The following SEPTIN9 variants were observed in gnomAD, a reference collection of about 807,000 sequenced individuals.
SEPTIN9 encodes septin-9.
Under a neutral mutation model 56.6 loss-of-function variants are expected in SEPTIN9, and 13 were observed. The observed-to-expected ratio is 0.23, with a 90% CI of 0.15 to 0.37. SEPTIN9 has a LOEUF of 0.37. SEPTIN9 is among the 10% of genes least tolerant of loss of function. The pLI is 1.00. For synonymous variants in SEPTIN9, 332 were observed against 334.1 expected, an observed-to-expected ratio of 0.99 and a Z score of 0.07; for missense variants, 650 against 823.1, an observed-to-expected ratio of 0.79 and a Z score of 2.57.
intron 1 of SEPTIN9, among the ~76,000 whole-genome samples, chr17:77,288,939 G>T (rs1055472408): frequency 2.0e-5 from 3 of 152,250 alleles, no homozygotes; most frequent in African/African-American, 7.2e-5. Flanking sequence ...GCCAGTGTTG[G>T]CATCATGTTG....
At chr17:77,291,014 C>T (rs1197556835) in intron 1 of SEPTIN9, among the ~76,000 whole-genome samples, 4 of 145,912 alleles carry the variant, frequency 2.7e-5, no homozygotes, top group Non-Finnish European at 3.0e-5. Context: ...TACAGGTGTG[C>T]GCTGCATGCC....
chr17:77,348,294 G>GTT (rs367934946), intron 2 of SEPTIN9, among the ~76,000 whole-genome samples: 3,336 of 89,638 alleles, frequency 0.037, 210 homozygotes, highest in Admixed American at 0.081. Context: ...TTTAATTTAT[G>GTT]TTTTTTTTTT....
chr17:77,390,354 A>AC, intron 2 of SEPTIN9, among the ~76,000 whole-genome samples: 1 of 90,438 alleles, frequency 1.1e-5, no homozygotes. Flanking sequence ...CTTAAAAAAA[A>AC]AAAAAAAAAA....
chr17:77,359,982 GC>G (rs1184823630), intron 2 of SEPTIN9, among the ~76,000 whole-genome samples: 1 of 151,216 alleles, frequency 6.6e-6, no homozygotes, highest in Non-Finnish European at 1.5e-5. Flanking sequence ...CTGGCCAACA[GC>G]CCCATCTGTA....
chr17:77,475,053 C>T lies in SEPTIN9; in HGVS notation c.722-7091C>T, dbSNP rs563447671. Among the ~76,000 whole-genome samples, 33 of 152,208 alleles carry T rather than the reference C, an allele frequency of 2.2e-4. No homozygotes were observed. Among genetic ancestry groups the T allele is most frequent in the Non-Finnish European group, 4.6e-4 (31 of 68,016 alleles). ...GGCACAGAGAGCCCCCAGTAAACCT[C>T]GGCTGCTGTGATGAGCTTTGTTTCT... On this transcript the variant is annotated intron_variant, in intron 3 of 11. Coordinates refer to ENST00000427177, the MANE Select transcript of SEPTIN9 (RefSeq NM_001113491.2). The surrounding 1 kb of genome is among the most constrained non-coding windows in gnomAD (Gnocchi z 4.6).
At chr17:77,497,501 G>A (rs1047743799) in intron 11 of SEPTIN9, 135 bp downstream of exon 11, 42 of 774,004 alleles carry the variant, frequency 5.4e-5, no homozygotes, top group Non-Finnish European at 8.2e-5. Flanking sequence ...CCCTGCCCTC[G>A]GGAAGATCTT....
In SEPTIN9 at chr17:77,498,609, C is replaced by A; in HGVS notation, c.1712C>A (p.Ala571Asp). The A allele has an allele frequency of 6.2e-7, 1 of 1,610,636 alleles. No homozygotes were observed. The highest frequency in any genetic ancestry group is 8.5e-7 in the Non-Finnish European group (1 of 1,178,896). Residue 571 changes from alanine (A) to aspartate (D), a missense_variant, in exon 12 of 12, where the codon GCC (alanine) becomes GAC (aspartate). Coordinates refer to ENST00000427177, the MANE Select transcript of SEPTIN9 (RefSeq NM_001113491.2). ...RVKRLNEGSS[A>D]MANGMEEKEP... ...AAGCGCCTCAACGAGGGCAGCAGCG[C>A]CATGGCCAACGGCATGGAGGAGAAG...
intron 2 of SEPTIN9, among the ~76,000 whole-genome samples, chr17:77,370,908 T>C (rs1055822754): frequency 3.9e-5 from 6 of 152,200 alleles, no homozygotes; most frequent in Non-Finnish European, 7.3e-5. Context: ...TAGAGAAAGA[T>C]GATTTAGGCT....
chr17:77,305,344 G>T (rs1393229096), intron 1 of SEPTIN9, among the ~76,000 whole-genome samples: 5 of 152,122 alleles, frequency 3.3e-5, no homozygotes, highest in African/African-American at 1.2e-4. Context: ...GGGAGCACCT[G>T]CCTGCTGGGG....
At position 77,402,182 on chromosome 17, in the gene SEPTIN9, G is replaced by T; in HGVS notation, c.200G>T (p.Gly67Val). ...TCCACCCAGAAATTCCAGGACCTGG[G>T]CGTGAAGAACTCAGAACCCTCGGCC... ...ASSTQKFQDL[G>V]VKNSEPSARH... The change falls in exon 3 of 12, where the codon GGC (glycine) becomes GTC (valine). Residue 67 changes from glycine (G) to valine (V), a missense_variant. By Grantham distance (109) the Gly-to-Val change is moderately radical. This residue lies in a region of SEPTIN9 where 317 missense variants were observed against 329.1 expected (regional missense o/e 0.96). Transcript: ENST00000427177. This position sits in a 1 kb window ranked among gnomAD's most constrained non-coding sequence, Gnocchi z 6.6. 6.2e-7 allele frequency: 1 copy of T among 1,613,816 alleles called. No homozygotes were observed. The highest frequency in any genetic ancestry group is 1.1e-5 in the South Asian group (1 of 91,078).
intron 3 of SEPTIN9, among the ~76,000 whole-genome samples, chr17:77,479,235 G>A (rs1202965802): frequency 6.6e-6 from 1 of 152,220 alleles, no homozygotes. Context: ...ACGGTGTCGT[G>A]GTCACAGACA....
chr17:77,434,452 C>T lies in SEPTIN9; in HGVS notation c.721+31749C>T, dbSNP rs571354277. On this transcript the variant is annotated intron_variant, in intron 3 of 11. Coordinates refer to ENST00000427177, the MANE Select transcript of SEPTIN9 (RefSeq NM_001113491.2). This position sits in a 1 kb window ranked among gnomAD's most constrained non-coding sequence, Gnocchi z 5.0. ...ACATCCTTCCCTTGTTGTGTTGTCT[C>T]GCTAGCATATGAGCCCGTACTGCCT... is the stretch of plus-strand genomic sequence containing the variant. Among the ~76,000 whole-genome samples, 33 of 152,248 alleles carry T rather than the reference C, an allele frequency of 2.2e-4. 1 individual carries two copies. In the South Asian group the frequency reaches 4.1e-3, roughly 19 times the overall value.
In SEPTIN9 at chr17:77,475,600, G is replaced by T; in HGVS notation, c.722-6544G>T. The T allele has an allele frequency of 6.2e-7, 1 of 1,613,706 alleles. No individual in the cohort carries two copies. On this transcript the variant is annotated intron_variant, in intron 3 of 11. Transcript: ENST00000427177. The surrounding 1 kb of genome is among the most constrained non-coding windows in gnomAD (Gnocchi z 4.6). ...CTGGCCCCAGGGTCTGGATTCAGGG[G>T]AGCCTGCAGAGGGAGGGCAGCTGGA...
chr17:77,295,760 C>T (rs1302443899), intron 1 of SEPTIN9, among the ~76,000 whole-genome samples: 1 of 152,046 alleles, frequency 6.6e-6, no homozygotes, highest in Non-Finnish European at 1.5e-5. Flanking sequence ...GAAGAGGAAC[C>T]TTGTTCCCGG....
chr17:77,482,172 C>T lies in SEPTIN9; in HGVS notation c.750C>T (p.Gly250=), dbSNP rs781564916. 55 of 1,596,622 alleles carry T rather than the reference C, an allele frequency of 3.4e-5. No homozygotes were observed. The South Asian group carries it at 4.1e-4, about 12-fold the overall frequency. Residue 250 remains glycine (G), a synonymous_variant, in exon 4 of 12, where the codon GGC becomes GGT. Coordinates refer to ENST00000427177, the MANE Select transcript of SEPTIN9 (RefSeq NM_001113491.2). ...CTGAGGCGGCTCCCAGCTGCGTTGG[C>T]GACATGGCCGACACCCCCAGAGATG... ...EATEAAPSCV[G]DMADTPRDAG... is the part of the protein sequence containing the mutation.
chr17:77,424,873 G>A (rs2036843097), intron 3 of SEPTIN9, among the ~76,000 whole-genome samples: 1 of 152,160 alleles, frequency 6.6e-6, no homozygotes, highest in Non-Finnish European at 1.5e-5. Flanking sequence ...TGAGTGTGTG[G>A]ACTCAGTACT....
rs939349558 is a variant in SEPTIN9 at position 77,434,420 on chromosome 17, G to A, written c.721+31717G>A. Among the ~76,000 whole-genome samples, 5 of 152,158 alleles carry A rather than the reference G, an allele frequency of 3.3e-5. No homozygotes were observed. The highest frequency in any genetic ancestry group is 1.9e-4 in the East Asian group (1 of 5,194). On this transcript the variant is annotated intron_variant, in intron 3 of 11. Transcript: ENST00000427177. The surrounding 1 kb of genome is among the most constrained non-coding windows in gnomAD (Gnocchi z 5.0). ...GCGGTGAGGTCTCCATGGCTCCCTC[G>A]TCCTGCACATCCTTCCCTTGTTGTG... is the stretch of plus-strand genomic sequence containing the variant.
intron 3 of SEPTIN9, among the ~76,000 whole-genome samples, chr17:77,414,069 C>T (rs1164662558): frequency 6.6e-6 from 1 of 151,018 alleles, no homozygotes; most frequent in Non-Finnish European, 1.5e-5. Flanking sequence ...ATACAATCCA[C>T]CAATTTATTT....
At chr17:77,440,460 A>G (rs535410960) in intron 3 of SEPTIN9, among the ~76,000 whole-genome samples, 3 of 152,188 alleles carry the variant, frequency 2.0e-5, no homozygotes, top group Admixed American at 2.0e-4. Context: ...TGGCTTTCGT[A>G]TATCTATAAA....
Sources: allele counts gnomAD v4.1 joint callset (sites outside exome capture counted in the v4.1 genomes callset), GRCh38; gene constraint gnomAD v4.1.1; regional missense constraint gnomAD v4.1.1; non-coding constraint Gnocchi (gnomAD v3.1); transcripts MANE v1.5; gene names NCBI Gene and HGNC (gene_info 2026-07-23, HGNC 2026-07-21).